The following PRKCH variants were observed in gnomAD, a reference collection of about 807,000 sequenced individuals.
The protein encoded by PRKCH is protein kinase C eta, also known as protein kinase C eta type.
Under a neutral mutation model 82.5 loss-of-function variants are expected in PRKCH, and 28 were observed. The observed-to-expected ratio is 0.34, with a 90% CI of 0.25 to 0.47. The LOEUF (loss-of-function observed/expected upper bound fraction) is 0.47, where lower values mean the gene tolerates loss of function less well. Among genes scored for constraint, PRKCH ranks in the 20% least tolerant of loss-of-function variants. The probability of loss-of-function intolerance (pLI) is 1.00; values close to 1 mark genes in which losing one functional copy is unlikely to be tolerated. For synonymous variants in PRKCH, 322 were observed against 327.4 expected, an observed-to-expected ratio of 0.98 and a Z score of 0.18; for missense variants, 705 against 881.8, an observed-to-expected ratio of 0.80 and a Z score of 2.54.
At chr14:61,471,750 G>C (rs769724559) in intron 9 of PRKCH, among the ~76,000 whole-genome samples, 11 of 151,886 alleles carry the variant, frequency 7.2e-5, no homozygotes, top group Non-Finnish European at 1.2e-4. Context: ...TGTTCATTGT[G>C]GATGTTTAGC....
chr14:61,195,871 G>A (rs535042237), intron 1 of PRKCH, among the ~76,000 whole-genome samples: 12 of 152,088 alleles, frequency 7.9e-5, no homozygotes, highest in African/African-American at 2.4e-4. Flanking sequence ...CCACCCTTAC[G>A]ACCATATTTA....
intron 12 of PRKCH, among the ~76,000 whole-genome samples, chr14:61,533,146 A>G (rs1365497134): frequency 6.6e-6 from 1 of 152,170 alleles, no homozygotes; most frequent in Non-Finnish European, 1.5e-5. Context: ...AATAAAATCC[A>G]TACCATAGGG....
chr14:61,445,397 G>A (rs772101139), intron 3 of PRKCH, among the ~76,000 whole-genome samples: 9 of 152,218 alleles, frequency 5.9e-5, no homozygotes, highest in Admixed American at 2.0e-4. Flanking sequence ...TTAATCACAC[G>A]TACAGATGAG....
intron 10 of PRKCH, among the ~76,000 whole-genome samples, chr14:61,511,559 C>T (rs75975340): frequency 0.021 from 3,246 of 152,288 alleles, 123 homozygotes; most frequent in African/African-American, 0.075. Flanking sequence ...GAAAAGGCAT[C>T]CCCAGAGCTA....
chr14:61,522,948 CT>C (rs2042924063), intron 10 of PRKCH, among the ~76,000 whole-genome samples: 1 of 152,230 alleles, frequency 6.6e-6, no homozygotes. Flanking sequence ...AATTCAGTGA[CT>C]TTTCAAAAGT....
At chr14:61,419,240 T>G (rs1882711473) in intron 2 of PRKCH, among the ~76,000 whole-genome samples, 1 of 152,186 alleles carries the variant, frequency 6.6e-6, no homozygotes, top group Non-Finnish European at 1.5e-5. Flanking sequence ...GAGTATCACT[T>G]TGTTGAATAG....
intron 12 of PRKCH, among the ~76,000 whole-genome samples, chr14:61,534,698 C>T (rs887308608): frequency 2.0e-5 from 3 of 152,058 alleles, no homozygotes; most frequent in African/African-American, 7.2e-5. Flanking sequence ...CACATTTCCT[C>T]ATCTGTAGAT....
chr14:61,241,784 G>A (rs568910611), intron 1 of PRKCH, among the ~76,000 whole-genome samples: 20 of 152,300 alleles, frequency 1.3e-4, no homozygotes, highest in East Asian at 1.2e-3. Flanking sequence ...TCTTTGAACC[G>A]CATCTCCTCA....
At chr14:61,340,184 G>T (rs557287255) in intron 1 of PRKCH, among the ~76,000 whole-genome samples, 1 of 151,942 alleles carries the variant, frequency 6.6e-6, no homozygotes. Flanking sequence ...AGGAGACTGC[G>T]CTGGCGAAGC....
At chr14:61,466,411 A>T (rs998116972) in intron 9 of PRKCH, among the ~76,000 whole-genome samples, 1 of 152,044 alleles carries the variant, frequency 6.6e-6, no homozygotes, top group African/African-American at 2.4e-5. Flanking sequence ...CCTGGCATGG[A>T]TGTGCTGGAA....
At chr14:61,286,086 T>C (rs2045311493) in intron 1 of PRKCH, among the ~76,000 whole-genome samples, 1 of 152,270 alleles carries the variant, frequency 6.6e-6, no homozygotes, top group African/African-American at 2.4e-5. Context: ...TTTTTGCATG[T>C]AGTTCATTTA....
At chr14:61,316,290 T>C (rs1276606386) in intron 1 of PRKCH, among the ~76,000 whole-genome samples, 1 of 152,228 alleles carries the variant, frequency 6.6e-6, no homozygotes, top group Admixed American at 6.5e-5. Context: ...CTCTAAATTC[T>C]CTAATTCTAT....
At chr14:61,283,082 C>T (rs1158856382) in intron 1 of PRKCH, among the ~76,000 whole-genome samples, 1 of 151,580 alleles carries the variant, frequency 6.6e-6, no homozygotes, top group African/African-American at 2.4e-5. Context: ...GTTGTCCAGG[C>T]TTGTCTCAAA....
intron 1 of PRKCH, among the ~76,000 whole-genome samples, chr14:61,234,318 A>T (rs933671766): frequency 6.6e-6 from 1 of 152,100 alleles, no homozygotes; most frequent in Non-Finnish European, 1.5e-5. Context: ...GCATTAGGTA[A>T]GGGGGGGAAA....
Position 61,457,325 on chromosome 14 carries a change from T to A in PRKCH, c.1104+6T>A, listed in dbSNP as rs763110401. 1 of 1,613,634 alleles carries A rather than the reference T, an allele frequency of 6.2e-7. No homozygotes were observed. The highest frequency in any genetic ancestry group is 8.5e-7 in the Non-Finnish European group (1 of 1,179,802). ...GGAAGGGGAGTTTTGGGAAGGTGAG[T>A]CTTGGCTTTAACTGTTTGGGTTGAA... On this transcript the variant is annotated splice_donor_region_variant and intron_variant, in intron 8 of 13. Transcript: ENST00000332981.
At chr14:61,271,598 G>A (rs2045154545) in intron 1 of PRKCH, among the ~76,000 whole-genome samples, 2 of 152,224 alleles carry the variant, frequency 1.3e-5, no homozygotes, top group African/African-American at 4.8e-5. Flanking sequence ...TATACTGCCT[G>A]TGCTGCCTTA....
chr14:61,473,728 C>A (rs1219622436), intron 9 of PRKCH, among the ~76,000 whole-genome samples: 1 of 152,202 alleles, frequency 6.6e-6, no homozygotes, highest in Non-Finnish European at 1.5e-5. Flanking sequence ...TGCAGTGGCT[C>A]ACACCTGTAA....
rs1322365785 is a variant in PRKCH at position 61,280,766 on chromosome 14, G to C, written c.-19+93098G>C. 1 of 1,557,494 alleles carries C rather than the reference G, an allele frequency of 6.4e-7. No individual in the cohort carries two copies. On this transcript the variant is annotated intron_variant, in intron 1 of 3. Coordinates refer to the PRKCH transcript ENST00000555185. The surrounding 1 kb of genome is among the most constrained non-coding windows in gnomAD (Gnocchi z 5.0). ...AGTCCGCTCAGCTGCGCGTCGTCGC[G>C]GGACACGCCGTAGCGCCGGTTGTTC...
chr14:61,444,959 G>C (rs1470547746), intron 3 of PRKCH, among the ~76,000 whole-genome samples: 4 of 152,202 alleles, frequency 2.6e-5, no homozygotes, highest in Non-Finnish European at 5.9e-5. Context: ...TCTGGCTTCA[G>C]AGTCTGTGCT....
Sources: gnomAD v4.1 joint callset for allele counts (sites outside exome capture counted in the v4.1 genomes callset) on GRCh38, gnomAD v4.1.1 for gene constraint, Gnocchi (gnomAD v3.1) non-coding constraint, MANE v1.5 for transcripts, NCBI Gene and HGNC (gene_info 2026-07-23, HGNC 2026-07-21) for gene names.